Variants in PVT1 observed in about 807,000 individuals in gnomAD.
The protein encoded by PVT1 is CXCR4/PVT1 fusion.
At chr8:128,089,958 A>C (rs1241384761) in intron 5 of PVT1, among the ~76,000 whole-genome samples, 3 of 152,264 alleles carry the variant, frequency 2.0e-5, no homozygotes, top group Non-Finnish European at 4.4e-5. Flanking sequence ...AAACTAGAGA[A>C]GCTATGGACA....
At chr8:128,076,101 T>C (rs1814086286) in intron 5 of PVT1, among the ~76,000 whole-genome samples, 1 of 152,242 alleles carries the variant, frequency 6.6e-6, no homozygotes, top group African/African-American at 2.4e-5. Flanking sequence ...TAGTGAGTGA[T>C]GCTGACCACC....
At chr8:127,836,016 T>C (rs1193090405) in intron 2 of PVT1, among the ~76,000 whole-genome samples, 1 of 152,154 alleles carries the variant, frequency 6.6e-6, no homozygotes, top group African/African-American at 2.4e-5. Context: ...GAATGCTTTT[T>C]CCCCAGCTTG....
intron 2 of PVT1, among the ~76,000 whole-genome samples, chr8:127,807,948 T>G (rs1814546020): frequency 6.6e-6 from 1 of 152,036 alleles, no homozygotes; most frequent in African/African-American, 2.4e-5. Context: ...TTTTGTATTT[T>G]TAGTAGAGAC....
At chr8:127,903,696 G>A (rs1441088081) in intron 3 of PVT1, among the ~76,000 whole-genome samples, 2 of 152,108 alleles carry the variant, frequency 1.3e-5, no homozygotes, top group Admixed American at 6.5e-5. Flanking sequence ...TTTCCCCATT[G>A]CCTCTTTTTG....
intron 2 of PVT1, among the ~76,000 whole-genome samples, chr8:127,864,767 C>A (rs1249856748): frequency 6.6e-6 from 1 of 152,146 alleles, no homozygotes; most frequent in Non-Finnish European, 1.5e-5. Context: ...CCAGGATGGT[C>A]TCGATCTCCT....
chr8:127,862,114 T>G (rs927938675), intron 2 of PVT1, among the ~76,000 whole-genome samples: 1 of 152,066 alleles, frequency 6.6e-6, no homozygotes, highest in Non-Finnish European at 1.5e-5. Context: ...TTAAAAAAAT[T>G]TTAACTTTTC....
At chr8:127,936,559 G>C (rs1816278299) in intron 3 of PVT1, among the ~76,000 whole-genome samples, 1 of 152,096 alleles carries the variant, frequency 6.6e-6, no homozygotes, top group South Asian at 2.1e-4. Context: ...GTTTGTGGTT[G>C]GATCTGTGCA....
At chr8:127,808,367 A>G (rs994400760) in intron 2 of PVT1, among the ~76,000 whole-genome samples, 2 of 152,050 alleles carry the variant, frequency 1.3e-5, no homozygotes, top group Non-Finnish European at 2.9e-5. Context: ...AATTTCTTTC[A>G]AAACAGTTTA....
chr8:128,068,556 G>A (rs1214374061), intron 4 of PVT1, among the ~76,000 whole-genome samples: 4 of 152,194 alleles, frequency 2.6e-5, no homozygotes, highest in South Asian at 4.1e-4. Flanking sequence ...GAGTGCAGTG[G>A]TGCGATCTCG....
intron 3 of PVT1, among the ~76,000 whole-genome samples, chr8:127,966,709 C>A (rs1816706369): frequency 1.3e-5 from 2 of 152,236 alleles, no homozygotes; most frequent in Middle Eastern, 3.4e-3. Flanking sequence ...AATAGCCCTC[C>A]CTATGTAGCC....
chr8:127,965,605 T>G lies in PVT1; in HGVS notation n.783-23557T>G, dbSNP rs62512809. 7.0e-3 allele frequency among the ~76,000 whole-genome samples: 1,060 copies of G among 152,312 alleles called. 3 individuals are homozygous for G. The highest frequency in any genetic ancestry group is 0.012 in the Non-Finnish European group (849 of 68,018). On this transcript the variant is annotated intron_variant and non_coding_transcript_variant, in intron 3 of 10. Transcript: ENST00000651587. Reference sequence around the variant, plus strand: ...TCCTGGGTCCTGGGGGACCCTTCCTTGTTCTCTCCACTCTGCCCTTGGATG... The same window carrying G: ...TCCTGGGTCCTGGGGGACCCTTCCTGGTTCTCTCCACTCTGCCCTTGGATG...
intron 4 of PVT1, among the ~76,000 whole-genome samples, chr8:127,991,008 C>T (rs960011130): frequency 2.6e-5 from 4 of 152,166 alleles, no homozygotes; most frequent in African/African-American, 9.7e-5. Flanking sequence ...GAGCTCAGCA[C>T]CTTTGTGCAT....
intron 3 of PVT1, among the ~76,000 whole-genome samples, chr8:127,892,142 C>T (rs1005636346): frequency 2.6e-5 from 4 of 152,238 alleles, no homozygotes; most frequent in Non-Finnish European, 4.4e-5. Flanking sequence ...TAGTTCGGCT[C>T]ATGCCTGACA....
intron 4 of PVT1, among the ~76,000 whole-genome samples, chr8:128,063,061 C>T (rs973861145): frequency 5.3e-5 from 8 of 152,180 alleles, no homozygotes; most frequent in African/African-American, 1.9e-4. Context: ...ACTAGGAAAT[C>T]CCTAGCACAG....
At chr8:128,086,841 C>T (rs1343939806) in intron 5 of PVT1, among the ~76,000 whole-genome samples, 1 of 152,172 alleles carries the variant, frequency 6.6e-6, no homozygotes, top group Non-Finnish European at 1.5e-5. Flanking sequence ...ATGGCTGGCT[C>T]TCCTGGAATT....
intron 3 of PVT1, among the ~76,000 whole-genome samples, chr8:127,909,252 A>G (rs1815861430): frequency 6.6e-6 from 1 of 152,230 alleles, no homozygotes; most frequent in Non-Finnish European, 1.5e-5. Flanking sequence ...TACTTTTGCT[A>G]TTCAGATCAT....
intron 2 of PVT1, among the ~76,000 whole-genome samples, chr8:127,830,788 T>A (rs1814839992): frequency 6.6e-6 from 1 of 152,070 alleles, no homozygotes; most frequent in Non-Finnish European, 1.5e-5. Context: ...ACCCTTAAGC[T>A]GGTGGGCACA....
chr8:128,067,324 G>C (rs1198430306), intron 4 of PVT1, among the ~76,000 whole-genome samples: 3 of 152,288 alleles, frequency 2.0e-5, no homozygotes, highest in South Asian at 4.2e-4. Context: ...GGGCTAGAGA[G>C]TAGAAGGGGA....
chr8:127,967,845 C>T (rs1343813301), intron 3 of PVT1, among the ~76,000 whole-genome samples: 1 of 152,260 alleles, frequency 6.6e-6, no homozygotes, highest in Non-Finnish European at 1.5e-5. Flanking sequence ...TCTCTGAGCA[C>T]ACACAGGCTC....
Sources: gnomAD v4.1 joint callset for allele counts (sites outside exome capture counted in the v4.1 genomes callset) on GRCh38, gnomAD v4.1.1 for gene constraint, MANE v1.5 for transcripts, NCBI Gene and HGNC (gene_info 2026-07-23, HGNC 2026-07-21) for gene names.